CA3: variants seen among roughly 807,000 people sequenced by gnomAD.
CA3 encodes the protein CA-III.
In CA3, 30 loss-of-function variants were observed where a neutral mutation model predicts 35.7. That is an observed-to-expected ratio of 0.84 (90% CI 0.63 to 1.14). CA3 has a LOEUF of 1.14. CA3 is among the 50% of genes most tolerant of loss of function. The pLI, the probability that CA3 is intolerant of heterozygous loss-of-function variation, is 0.00. For missense variants in CA3, 295 were observed against 328.5 expected (o/e 0.90, Z 0.79); for synonymous variants, 131 against 130.8 (o/e 1.00, Z -0.01).
chr8:85,448,054 C>CG lies in CA3; in HGVS notation c.684_685insG (p.Leu229AlafsTer5). 1 of 1,612,464 alleles carries CG rather than the reference C, an allele frequency of 6.2e-7. No individual in the cohort carries two copies. ...TGCAGATGGCCAAGCTGCGGAGCCT[C>CG]CTCTCCAGTGCTGAGAACGAGCCCC... On this transcript the variant is annotated frameshift_variant, in exon 7 of 7. Transcript: ENST00000285381. LOFTEE classifies it high-confidence loss of function.
chr8:85,440,941 T>A (rs1036915680), intron 2 of CA3, among the ~76,000 whole-genome samples: 1 of 152,212 alleles, frequency 6.6e-6, no homozygotes, highest in Non-Finnish European at 1.5e-5. Flanking sequence ...TTGAACCATA[T>A]GAAAATGCCA....
rs555677527 is a variant in CA3, at chr8:85,448,406, G to C, written c.*253G>C. 3.7e-6 allele frequency: 1 copy of C among 267,756 alleles called. No individual in the cohort carries two copies. Among genetic ancestry groups the C allele is most frequent in the Admixed American group, 5.3e-5 (1 of 18,718 alleles). 16.6% of individuals were successfully genotyped at this position (267,756 alleles called of 1,614,324 possible). On this transcript the variant is annotated 3_prime_UTR_variant, in exon 7 of 7. Transcript: ENST00000285381. ...TCTTTCCTATAAAAGTAGCATTTTT[G>C]GTAAAGTTTCAAAGAAGAAGAAACA... is the stretch of plus-strand genomic sequence containing the variant.
At chr8:85,443,273 A>G (rs1318655816) in intron 3 of CA3, among the ~76,000 whole-genome samples, 2 of 152,212 alleles carry the variant, frequency 1.3e-5, no homozygotes, top group Non-Finnish European at 2.9e-5. Context: ...GGCCTCTGAC[A>G]TGTTCTCTTT....
chr8:85,439,453 A>G (rs1162844371), intron 1 of CA3, among the ~76,000 whole-genome samples: 1 of 152,202 alleles, frequency 6.6e-6, no homozygotes, highest in African/African-American at 2.4e-5. Context: ...TTAAAAAAAA[A>G]TGTGATAAAG....
chr8:85,448,238 C>A lies in CA3; in HGVS notation c.*85C>A. ...TGCCTCCTTCTGGTGCTCCTTACTC[C>A]AAGTCTATTTCATTTTTCCACACTG... On this transcript the variant is annotated 3_prime_UTR_variant, in exon 7 of 7. Coordinates refer to ENST00000285381, the MANE Select transcript of CA3 (RefSeq NM_005181.4). 7.2e-7 allele frequency: 1 copy of A among 1,380,374 alleles called. No individual in the cohort carries two copies. Among genetic ancestry groups the A allele is most frequent in the African/African-American group, 1.4e-5 (1 of 69,528 alleles). 85.5% of individuals were successfully genotyped at this position (1,380,374 alleles called of 1,614,324 possible).
At chr8:85,439,985 T>A in intron 2 of CA3, 76 bp downstream of exon 2, 1 of 1,118,734 alleles carries the variant, frequency 8.9e-7, no homozygotes, top group Non-Finnish European at 1.3e-6. Flanking sequence ...TATGACACAG[T>A]ACCAGAATTA....
Position 85,444,060 on chromosome 8 carries a change from G to C in CA3, c.378G>C (p.Lys126Asn), listed in dbSNP as rs372600033. 125 of 1,613,388 alleles carry C rather than the reference G, an allele frequency of 7.7e-5. No homozygotes were observed. Among genetic ancestry groups the C allele is most frequent in the Non-Finnish European group, 1.0e-4 (121 of 1,179,424 alleles). ...AELHLVHWNP[K>N]YNTFKEALKQ... ...TTCATTTGGTTCACTGGAACCCGAA[G>C]TATAACACTTTTAAAGAAGCCCTGA... is the stretch of plus-strand genomic sequence containing the variant. The change falls in exon 4 of 7, where the codon AAG becomes AAC. Residue 126 changes from lysine (K) to asparagine (N), a missense_variant. Transcript: ENST00000285381.
chr8:85,444,229 A>G, intron 4 of CA3, 103 bp downstream of exon 4: 1 of 704,570 alleles, frequency 1.4e-6, no homozygotes, highest in South Asian at 1.6e-5. Flanking sequence ...TCCTCCTTTC[A>G]TATGCATTTT....
chr8:85,439,371 C>A (rs2130498104), intron 1 of CA3, among the ~76,000 whole-genome samples: 1 of 152,208 alleles, frequency 6.6e-6, no homozygotes, highest in Admixed American at 6.5e-5. Context: ...GCTCTGAAAC[C>A]CACAACACAA....
rs112279675 is a variant in CA3, at chr8:85,439,097, C to G, written c.34+154C>G. 7.0e-4 allele frequency among the ~76,000 whole-genome samples: 106 copies of G among 152,354 alleles called. 1 individual carries two copies. Among genetic ancestry groups the G allele is most frequent in the African/African-American group, 2.3e-3 (96 of 41,576 alleles). Reference sequence around the variant, plus strand: ...ACTGAGGCTTTTCAACTGCCAAATGCTGCTGCTTCTTTTTTTCCTTCATCT... The same window carrying G: ...ACTGAGGCTTTTCAACTGCCAAATGGTGCTGCTTCTTTTTTTCCTTCATCT... On this transcript the variant is annotated intron_variant, in intron 1 of 6. Coordinates refer to ENST00000285381, the MANE Select transcript of CA3 (RefSeq NM_005181.4).
intron 2 of CA3, among the ~76,000 whole-genome samples, chr8:85,440,535 T>C (rs1465771464): frequency 6.6e-6 from 1 of 152,208 alleles, no homozygotes; most frequent in African/African-American, 2.4e-5. Context: ...GAAAAATACA[T>C]GTTTAGAAAA....
At position 85,444,086 on chromosome 8, in the gene CA3, A is replaced by G. The variant is rs1304075902; in HGVS notation, c.404A>G (p.Lys135Arg). Reference protein sequence around the residue: ...PKYNTFKEALKQRDGIAVIGI... With the variant: ...PKYNTFKEALRQRDGIAVIGI... ...TATAACACTTTTAAAGAAGCCCTGA[A>G]GCAGCGCGATGGGATCGCTGTGATT... Residue 135 changes from lysine (K) to arginine (R), a missense_variant, in exon 4 of 7, where the codon AAG (lysine) becomes AGG (arginine). Physicochemically the swap from Lys to Arg is conservative, Grantham distance 26. Coordinates refer to ENST00000285381, the MANE Select transcript of CA3 (RefSeq NM_005181.4). The G allele has an allele frequency of 6.2e-7, 1 of 1,613,900 alleles. No individual in the cohort carries two copies. Among genetic ancestry groups the G allele is most frequent in the East Asian group, 2.2e-5 (1 of 44,868 alleles).
In CA3 at chr8:85,442,187, C is replaced by A; in HGVS notation, c.347C>A (p.Ala116Glu). 6.5e-7 allele frequency: 1 copy of A among 1,531,256 alleles called. No homozygotes were observed. The highest frequency in any genetic ancestry group is 1.4e-5 in the African/African-American group (1 of 73,440). The allele number at this position is 1,531,256 out of a possible 1,614,324, so 94.9% of individuals were successfully genotyped here. ...ACCGTGGATGGAGTCAAGTATGCAGCGGAGGTAAGAGGAACTGCCATAATC... is the reference window on the plus strand; with the variant it reads ...ACCGTGGATGGAGTCAAGTATGCAGAGGAGGTAAGAGGAACTGCCATAATC... ...EHTVDGVKYA[A>E]ELHLVHWNPK... The change falls in exon 3 of 7, where the codon GCG becomes GAG. Residue 116 changes from alanine (A) to glutamate (E), a missense_variant. Transcript: ENST00000285381.
chr8:85,443,973 ATGT>A (rs1432204738), intron 3 of CA3, 58 bp from the exon 4 acceptor site: 1 of 1,117,450 alleles, frequency 8.9e-7, no homozygotes. Context: ...ATTGTGGATA[ATGT>A]TGTACTTATT....
intron 3 of CA3, 86 bp downstream of exon 3, chr8:85,442,277 A>G (rs542398729): frequency 1.3e-6 from 1 of 789,206 alleles, no homozygotes; most frequent in South Asian, 1.4e-5. Context: ...ACAAAGCATC[A>G]TCCACTGCTT....
intron 3 of CA3, chr8:85,442,511 G>A (rs1264162675): frequency 3.7e-5 from 9 of 241,602 alleles, no homozygotes; most frequent in Admixed American, 1.9e-4. Flanking sequence ...CCAGGAGTTC[G>A]AGACCAGCCT....
rs959563399 is a variant in CA3, at chr8:85,438,859, C to T, written c.-51C>T. The T allele has an allele frequency of 2.5e-5, 38 of 1,548,262 alleles. No individual in the cohort carries two copies. In the Admixed American group the frequency reaches 7.3e-4, roughly 30 times the overall value. On this transcript the variant is annotated 5_prime_UTR_variant, in exon 1 of 7. Coordinates refer to ENST00000285381, the MANE Select transcript of CA3 (RefSeq NM_005181.4). ...AGCGCGGGCTCGCGGCGACTCTGCA[C>T]CACGCAGGGGAAGAGAAAGCAGGAG...
intron 6 of CA3, among the ~76,000 whole-genome samples, chr8:85,447,056 T>C (rs1564071199): frequency 6.6e-6 from 1 of 152,184 alleles, no homozygotes; most frequent in Admixed American, 6.5e-5. Context: ...GGCAACAGCT[T>C]TCATATTTAT....
chr8:85,442,856 A>T (rs1811226488), intron 3 of CA3, among the ~76,000 whole-genome samples: 1 of 152,222 alleles, frequency 6.6e-6, no homozygotes, highest in Non-Finnish European at 1.5e-5. Context: ...TAGCTACCTT[A>T]TGAGACAGGT....
Sources: allele counts gnomAD v4.1 joint callset (sites outside exome capture counted in the v4.1 genomes callset), GRCh38; gene constraint gnomAD v4.1.1; transcripts MANE v1.5; gene names NCBI Gene and HGNC (gene_info 2026-07-23, HGNC 2026-07-21).